Variants in EML4 observed in about 807,000 individuals in gnomAD.
EML4 encodes echinoderm microtubule-associated protein-like 4.
Under a neutral mutation model 129.0 loss-of-function variants are expected in EML4, and 72 were observed. That is an observed-to-expected ratio of 0.56 (90% CI 0.46 to 0.68). The LOEUF is 0.68. Ranked by LOEUF, EML4 falls within the 30% of genes least tolerant of loss-of-function variation. The pLI is 0.00. For missense variants in EML4, 1,363 were observed against 1,190.6 expected, an observed-to-expected ratio of 1.14 and a Z score of -2.13; for synonymous variants, 532 against 405.0, an observed-to-expected ratio of 1.31 and a Z score of -3.77.
At chr2:42,240,232 C>T (rs1358708688) in intron 1 of EML4, among the ~76,000 whole-genome samples, 1 of 151,800 alleles carries the variant, frequency 6.6e-6, no homozygotes, top group African/African-American at 2.4e-5. Context: ...AGAAGCAATG[C>T]ATTTTACCTT....
chr2:42,312,501 C>T (rs1169320820), intron 17 of EML4, among the ~76,000 whole-genome samples: 1 of 152,090 alleles, frequency 6.6e-6, no homozygotes, highest in East Asian at 1.9e-4. Flanking sequence ...CTCCACAACC[C>T]CATATCATAA....
At chr2:42,234,459 C>G (rs954071626) in intron 1 of EML4, among the ~76,000 whole-genome samples, 7 of 152,166 alleles carry the variant, frequency 4.6e-5, no homozygotes, top group African/African-American at 1.4e-4. Flanking sequence ...AATTTCTGAC[C>G]AGGTAAACTA....
At chr2:42,190,788 T>C (rs1465143476) in intron 1 of EML4, among the ~76,000 whole-genome samples, 5 of 152,240 alleles carry the variant, frequency 3.3e-5, no homozygotes, top group Non-Finnish European at 7.3e-5. Flanking sequence ...ATAAACAATA[T>C]GTAAACAAAT....
intron 6 of EML4, among the ~76,000 whole-genome samples, chr2:42,275,799 C>T (rs1369446295): frequency 6.6e-6 from 1 of 152,090 alleles, no homozygotes; most frequent in African/African-American, 2.4e-5. Flanking sequence ...TTTAAGTTAG[C>T]ATCAGCTTCA....
At chr2:42,329,651 C>G (rs1422841098) in intron 22 of EML4, 83 bp from the exon 23 acceptor site, 2 of 1,143,266 alleles carry the variant, frequency 1.7e-6, no homozygotes, top group Admixed American at 1.9e-5. Flanking sequence ...GAGTTTACCC[C>G]CCTTACGTAT....
intron 1 of EML4, among the ~76,000 whole-genome samples, chr2:42,221,148 A>G (rs1044417329): frequency 1.3e-5 from 2 of 152,106 alleles, no homozygotes; most frequent in African/African-American, 4.8e-5. Context: ...ATCAGTGTAG[A>G]CAACACTGTC....
chr2:42,289,221 T>C (rs536799543), intron 11 of EML4: 1 of 152,330 alleles, frequency 6.6e-6, no homozygotes, highest in African/African-American at 2.4e-5. Flanking sequence ...TAATTTAACA[T>C]TGAAACATAG....
intron 1 of EML4, among the ~76,000 whole-genome samples, chr2:42,201,730 G>C (rs1368182775): frequency 1.3e-5 from 2 of 152,162 alleles, no homozygotes. Flanking sequence ...GGCACACAGA[G>C]ACACATACCC....
At chr2:42,277,714 A>G (rs901854530) in intron 6 of EML4, among the ~76,000 whole-genome samples, 1 of 151,962 alleles carries the variant, frequency 6.6e-6, no homozygotes, top group East Asian at 1.9e-4. Flanking sequence ...GATTACAGAC[A>G]TGTACCACCA....
At chr2:42,326,273 G>A in intron 21 of EML4, 21 bp downstream of exon 21, 1 of 1,541,834 alleles carries the variant, frequency 6.5e-7, no homozygotes, top group Non-Finnish European at 8.9e-7. Context: ...GACACCTGAT[G>A]TAAAGAAGTG....
rs1670039792 is a variant in EML4, at chr2:42,330,316, GT to G, written c.*112del. On this transcript the variant is annotated 3_prime_UTR_variant, in exon 23 of 23. Transcript: ENST00000318522. Reference sequence around the variant, plus strand: ...AGAATCACTGTTGATTGAGATTTTGGTTTCCATGTGATTTGTTTTCTTCAAT... The same window carrying G: ...AGAATCACTGTTGATTGAGATTTTGGTTCCATGTGATTTGTTTTCTTCAAT... 1 of 999,668 alleles carries G rather than the reference GT, an allele frequency of 1.0e-6. No homozygotes were observed. The highest frequency in any genetic ancestry group is 1.9e-5 in the Admixed American group (1 of 51,424). The allele number at this position is 999,668 out of a possible 1,614,324, so 61.9% of individuals were successfully genotyped here.
chr2:42,278,752 G>C (rs544606382), intron 6 of EML4, among the ~76,000 whole-genome samples: 1 of 151,822 alleles, frequency 6.6e-6, no homozygotes, highest in African/African-American at 2.4e-5. Flanking sequence ...TGACCAACAT[G>C]GTGAAACCCC....
intron 1 of EML4, among the ~76,000 whole-genome samples, chr2:42,205,763 CT>C (rs1422839599): frequency 1.3e-5 from 2 of 152,112 alleles, no homozygotes; most frequent in African/African-American, 4.8e-5. Flanking sequence ...GTATGAAATC[CT>C]ATTTTCTTTG....
intron 6 of EML4, among the ~76,000 whole-genome samples, chr2:42,277,855 C>T (rs1255947143): frequency 1.3e-5 from 2 of 152,226 alleles, no homozygotes; most frequent in East Asian, 3.9e-4. Flanking sequence ...GCATGAGCCA[C>T]CATGCCCAGC....
At chr2:42,260,356 C>T (rs1665652521) in intron 3 of EML4, among the ~76,000 whole-genome samples, 1 of 152,118 alleles carries the variant, frequency 6.6e-6, no homozygotes, top group South Asian at 2.1e-4. Flanking sequence ...TTAGTAGAAA[C>T]GGGGTTTCAC....
chr2:42,221,291 G>T (rs6724049), intron 1 of EML4, among the ~76,000 whole-genome samples: 93,918 of 151,816 alleles, frequency 0.62, 29,594 homozygotes, highest in East Asian at 0.74. Context: ...AGTGCTCATT[G>T]ACCATTCTGA....
intron 1 of EML4, among the ~76,000 whole-genome samples, chr2:42,219,394 A>T (rs1222305885): frequency 1.3e-5 from 2 of 152,154 alleles, no homozygotes; most frequent in African/African-American, 4.8e-5. Context: ...TGGTATATGT[A>T]GGAGTCCTGT....
chr2:42,291,634 G>C (rs568306954), intron 11 of EML4, among the ~76,000 whole-genome samples: 1 of 152,094 alleles, frequency 6.6e-6, no homozygotes, highest in African/African-American at 2.4e-5. Flanking sequence ...TCAAACTCCT[G>C]ATCTCAAGTG....
At chr2:42,207,778 A>C (rs1042879535) in intron 1 of EML4, among the ~76,000 whole-genome samples, 1 of 152,236 alleles carries the variant, frequency 6.6e-6, no homozygotes, top group Non-Finnish European at 1.5e-5. Context: ...TTGGCATAAT[A>C]TAAAATGCAA....
Sources: gnomAD v4.1 joint callset for allele counts (sites outside exome capture counted in the v4.1 genomes callset) on GRCh38, gnomAD v4.1.1 for gene constraint, MANE v1.5 for transcripts, NCBI Gene and HGNC (gene_info 2026-07-23, HGNC 2026-07-21) for gene names.